SAMD5: variants seen among roughly 807,000 people sequenced by gnomAD.
SAMD5 encodes sterile alpha motif domain-containing protein 5.
SAMD5 carries 13 observed loss-of-function variants against 11.3 expected under a neutral mutation model. The observed-to-expected ratio is 1.15, with a 90% CI of 0.75 to 1.83. The LOEUF (loss-of-function observed/expected upper bound fraction) is 1.83. Ranked by LOEUF, SAMD5 falls within the 40% of genes most tolerant of loss-of-function variation. SAMD5 has a pLI of 0.00. For synonymous variants in SAMD5, 129 were observed against 111.3 expected, an observed-to-expected ratio of 1.16 and a Z score of -1.00; for missense variants, 255 against 239.1, an observed-to-expected ratio of 1.07 and a Z score of -0.44.
intron 1 of SAMD5, among the ~76,000 whole-genome samples, chr6:147,649,134 A>C (rs1412134864): frequency 1.3e-5 from 2 of 152,200 alleles, no homozygotes; most frequent in African/African-American, 4.8e-5. Flanking sequence ...CCAGCTGTGG[A>C]AGTCCAGACC....
chr6:147,860,433 C>A, the SAMD5 span, among the ~76,000 whole-genome samples: 1 of 152,172 alleles, frequency 6.6e-6, no homozygotes, highest in Non-Finnish European at 1.5e-5. Flanking sequence ...CCCATAACAA[C>A]TAATATCTTA....
the SAMD5 span, among the ~76,000 whole-genome samples, chr6:147,939,041 C>A: frequency 1.9e-3 from 294 of 152,248 alleles, no homozygotes; most frequent in African/African-American, 6.7e-3. Flanking sequence ...TTCCCACAAC[C>A]CCCTCCTAAG....
the SAMD5 span, among the ~76,000 whole-genome samples, chr6:147,822,601 C>G: frequency 1.3e-5 from 2 of 152,084 alleles, no homozygotes; most frequent in Non-Finnish European, 2.9e-5. Context: ...TCTGTAAAAA[C>G]TTTGGGTCAT....
At chr6:147,770,262 T>A in the SAMD5 span, among the ~76,000 whole-genome samples, 115,985 of 150,874 alleles carry the variant, frequency 0.77, 45,225 homozygotes, top group African/African-American at 0.9. Context: ...TAATTTTTTT[T>A]AAAAAAAATC....
chr6:147,746,201 A>G, the SAMD5 span, among the ~76,000 whole-genome samples: 3 of 152,208 alleles, frequency 2.0e-5, no homozygotes, highest in Admixed American at 6.5e-5. Flanking sequence ...GGTGCTGGGC[A>G]CAGAATGAAT....
chr6:147,719,087 G>A (rs1374860684), intron 1 of SAMD5, among the ~76,000 whole-genome samples: 3 of 152,312 alleles, frequency 2.0e-5, no homozygotes, highest in African/African-American at 4.8e-5. Flanking sequence ...TGGATCCCAC[G>A]CTGCTGAGTG....
chr6:147,579,428 T>G (rs1011250796), intron 1 of SAMD5, among the ~76,000 whole-genome samples: 11 of 150,260 alleles, frequency 7.3e-5, no homozygotes, highest in Non-Finnish European at 1.6e-4. Flanking sequence ...AAGATATGCC[T>G]GCGATAGTTT....
intron 1 of SAMD5, among the ~76,000 whole-genome samples, chr6:147,610,490 C>G (rs768481725): frequency 6.6e-6 from 1 of 152,140 alleles, no homozygotes; most frequent in African/African-American, 2.4e-5. Context: ...CAATATATTT[C>G]CTCTAAAATT....
At chr6:147,652,855 G>A (rs4896933) in intron 1 of SAMD5, among the ~76,000 whole-genome samples, 62,635 of 151,920 alleles carry the variant, frequency 0.41, 14,899 homozygotes, top group Middle Eastern at 0.54. Flanking sequence ...TTTACTTGGT[G>A]CCAGCAACTG....
intron 1 of SAMD5, among the ~76,000 whole-genome samples, chr6:147,651,195 T>C (rs1317679906): frequency 6.6e-6 from 1 of 152,192 alleles, no homozygotes; most frequent in Non-Finnish European, 1.5e-5. Context: ...TCTTTCCCTT[T>C]CATAATAGAG....
At chr6:147,939,038 A>C in the SAMD5 span, among the ~76,000 whole-genome samples, 13 of 152,282 alleles carry the variant, frequency 8.5e-5, no homozygotes, top group African/African-American at 3.1e-4. Context: ...GGGTTCCCAC[A>C]ACCCCCTCCT....
chr6:147,842,167 G>T, the SAMD5 span, among the ~76,000 whole-genome samples: 100 of 151,922 alleles, frequency 6.6e-4, no homozygotes, highest in Non-Finnish European at 1.1e-3. Context: ...AAAAATTAAC[G>T]ACTGTTTTCA....
At chr6:147,525,759 C>A (rs915961143) in intron 1 of SAMD5, among the ~76,000 whole-genome samples, 6 of 152,144 alleles carry the variant, frequency 3.9e-5, no homozygotes, top group African/African-American at 1.2e-4. Context: ...ATTAGGGAGG[C>A]ACTGGTTACT....
chr6:147,750,057 T>C, the SAMD5 span, among the ~76,000 whole-genome samples: 1 of 152,192 alleles, frequency 6.6e-6, no homozygotes, highest in Non-Finnish European at 1.5e-5. Flanking sequence ...ATATAAAATA[T>C]ATCAAGGTTA....
chr6:147,534,340 A>G (rs987238638), intron 1 of SAMD5, among the ~76,000 whole-genome samples: 3 of 152,128 alleles, frequency 2.0e-5, no homozygotes, highest in Non-Finnish European at 2.9e-5. Context: ...GTGAAATCCA[A>G]ACCTCCCCAA....
chr6:147,549,875 T>A (rs1583078094), intron 1 of SAMD5, among the ~76,000 whole-genome samples: 2 of 151,616 alleles, frequency 1.3e-5, no homozygotes, highest in Non-Finnish European at 2.9e-5. Flanking sequence ...AGACTGGAAG[T>A]TATTGTTAGA....
At chr6:147,801,624 G>A in the SAMD5 span, among the ~76,000 whole-genome samples, 1 of 152,204 alleles carries the variant, frequency 6.6e-6, no homozygotes, top group African/African-American at 2.4e-5. Flanking sequence ...TTAGGCAACA[G>A]GTAGCACAGG....
At chr6:147,612,896 T>C (rs200802209) in intron 1 of SAMD5, among the ~76,000 whole-genome samples, 1 of 152,164 alleles carries the variant, frequency 6.6e-6, no homozygotes, top group Non-Finnish European at 1.5e-5. Flanking sequence ...TCACAAAGTC[T>C]CAGCTTTTAT....
chr6:147,818,451 G>A, the SAMD5 span, among the ~76,000 whole-genome samples: 8 of 152,302 alleles, frequency 5.3e-5, no homozygotes, highest in East Asian at 1.9e-4. Context: ...TGCAGTTATT[G>A]TATGTACTTA....
Sources: allele counts gnomAD v4.1 joint callset (sites outside exome capture counted in the v4.1 genomes callset), GRCh38; gene constraint gnomAD v4.1.1; transcripts MANE v1.5; gene names NCBI Gene and HGNC (gene_info 2026-07-23, HGNC 2026-07-21).